Variants in JAK2 observed in about 807,000 individuals in gnomAD.
JAK2 encodes the protein tyrosine-protein kinase JAK2.
JAK2 carries 86 observed loss-of-function variants against 139.3 expected under a neutral mutation model. That is an observed-to-expected ratio of 0.62 (90% CI 0.52 to 0.74). The LOEUF (loss-of-function observed/expected upper bound fraction) is 0.74, where lower values mean the gene tolerates loss of function less well. Among genes scored for constraint, JAK2 ranks in the 30% least tolerant of loss-of-function variants. JAK2 has a pLI of 0.00. For synonymous variants in JAK2, 490 were observed against 437.7 expected, an observed-to-expected ratio of 1.12 and a Z score of -1.49; for missense variants, 1,421 against 1,360.3, an observed-to-expected ratio of 1.04 and a Z score of -0.70.
At chr9:5,089,962 A>C in intron 20 of JAK2, 99 bp downstream of exon 20, 1 of 730,224 alleles carries the variant, frequency 1.4e-6, no homozygotes, top group South Asian at 5.3e-5. Context: ...ACTTATGCCA[A>C]TGCCCAGAGG....
At chr9:4,997,136 C>G (rs1035816481) in intron 2 of JAK2, among the ~76,000 whole-genome samples, 2 of 151,668 alleles carry the variant, frequency 1.3e-5, no homozygotes, top group Non-Finnish European at 2.9e-5. Context: ...TTCACCGTGT[C>G]ACTCAGTCTG....
intron 3 of JAK2, among the ~76,000 whole-genome samples, 162 bp from the exon 4 acceptor site, chr9:5,029,621 T>G (rs1387643189): frequency 6.6e-6 from 1 of 152,260 alleles, no homozygotes; most frequent in Non-Finnish European, 1.5e-5. Context: ...TTGTGATTAA[T>G]AATTCAGTTG....
At chr9:5,020,750 G>A (rs1372307392) in intron 2 of JAK2, among the ~76,000 whole-genome samples, 1 of 152,144 alleles carries the variant, frequency 6.6e-6, no homozygotes, top group Non-Finnish European at 1.5e-5. Context: ...GAGCAGTGGG[G>A]TTATTGCCAA....
intron 2 of JAK2, among the ~76,000 whole-genome samples, chr9:5,020,677 C>T (rs1822360159): frequency 6.6e-6 from 1 of 152,172 alleles, no homozygotes; most frequent in South Asian, 2.1e-4. Flanking sequence ...GCAATGGTGG[C>T]AGCTGTAGGT....
chr9:5,034,791 G>C (rs747085659), intron 4 of JAK2, among the ~76,000 whole-genome samples: 17 of 152,070 alleles, frequency 1.1e-4, no homozygotes, highest in African/African-American at 1.7e-4. Flanking sequence ...AAGCAGGAAA[G>C]ATCCAATTGA....
intron 8 of JAK2, among the ~76,000 whole-genome samples, chr9:5,064,525 CAAAAAAAA>C (rs1381775824): frequency 1.2e-5 from 1 of 84,690 alleles, no homozygotes; most frequent in South Asian, 3.5e-4. Flanking sequence ...GCAAGACTCT[CAAAAAAAA>C]AAAAAAAGAA....
chr9:5,005,083 A>AT (rs527982744), intron 2 of JAK2, among the ~76,000 whole-genome samples: 2 of 40,034 alleles, frequency 5.0e-5, no homozygotes, highest in African/African-American at 1.0e-4. Context: ...TGCCTGGCTA[A>AT]TTTTTTTTTT....
intron 4 of JAK2, among the ~76,000 whole-genome samples, chr9:5,030,270 T>G (rs1393849547): frequency 6.6e-6 from 1 of 152,196 alleles, no homozygotes; most frequent in Non-Finnish European, 1.5e-5. Context: ...ATCTTATCTT[T>G]ATAAAGAACT....
At chr9:5,110,546 A>G (rs1325386068) in intron 22 of JAK2, 1 of 167,148 alleles carries the variant, frequency 6.0e-6, no homozygotes, top group Non-Finnish European at 1.3e-5. Flanking sequence ...AAATAGGACT[A>G]TTCAAGACTT....
At chr9:5,093,390 C>T (rs1377296178) in intron 22 of JAK2, among the ~76,000 whole-genome samples, 1 of 152,144 alleles carries the variant, frequency 6.6e-6, no homozygotes, top group Non-Finnish European at 1.5e-5. Context: ...AACATAATCA[C>T]TTGTTCCCTA....
intron 9 of JAK2, among the ~76,000 whole-genome samples, chr9:5,066,015 T>C (rs546116786): frequency 2.0e-5 from 3 of 152,308 alleles, no homozygotes; most frequent in South Asian, 4.1e-4. Flanking sequence ...TATTCATGTA[T>C]CCATAAATTC....
At position 5,123,121 on chromosome 9, in the gene JAK2, G is replaced by T. The variant is rs374744702; in HGVS notation, c.3177G>T (p.Ala1059=). Reference sequence around the variant, plus strand: ...TTGAGAAGAGTAAAAGTCCACCAGCGGTCAGTGTGCTTTTTATTTACTTTC... The same window carrying T: ...TTGAGAAGAGTAAAAGTCCACCAGCTGTCAGTGTGCTTTTTATTTACTTTC... ...TYIEKSKSPP[A]EFMRMIGNDK... The change falls in exon 23 of 25, where the codon GCG becomes GCT. Residue 1059 remains alanine (A), a splice_region_variant and synonymous_variant. Coordinates refer to ENST00000381652, the MANE Select transcript of JAK2 (RefSeq NM_004972.4). The T allele has an allele frequency of 1.3e-6, 2 of 1,562,112 alleles. No homozygotes were observed. The highest frequency in any genetic ancestry group is 2.3e-5 in the South Asian group (2 of 85,742).
chr9:5,088,672 G>A (rs570978914), intron 19 of JAK2, among the ~76,000 whole-genome samples: 4 of 152,308 alleles, frequency 2.6e-5, no homozygotes, highest in East Asian at 3.9e-4. Context: ...GAATTCCAGG[G>A]CCTGGAAAGT....
At chr9:5,060,523 A>C (rs115039860) in intron 8 of JAK2, among the ~76,000 whole-genome samples, 69 of 152,346 alleles carry the variant, frequency 4.5e-4, no homozygotes, top group African/African-American at 1.6e-3. Flanking sequence ...CATCTCAAGA[A>C]ACCATTTTTT....
At chr9:4,991,671 C>T (rs1414507457) in intron 2 of JAK2, among the ~76,000 whole-genome samples, 1 of 151,848 alleles carries the variant, frequency 6.6e-6, no homozygotes, top group African/African-American at 2.4e-5. Flanking sequence ...TGACAAAAAC[C>T]AGCAAACTCT....
chr9:4,984,772 C>G (rs554856286), upstream of JAK2: 58 of 152,444 alleles, frequency 3.8e-4, no homozygotes, highest in African/African-American at 1.3e-3. Context: ...CAGGGTGAGT[C>G]ACTCCCGGCC....
In JAK2 at chr9:5,062,082, T is replaced by G. The variant is rs117533422; in HGVS notation, c.1057-2801T>G. Among the ~76,000 whole-genome samples, 1,330 of 152,246 alleles carry G rather than the reference T, an allele frequency of 8.7e-3. 13 individuals are homozygous for G. The highest frequency in any genetic ancestry group is 0.015 in the Non-Finnish European group (1,004 of 68,016). ...TGTGGTGCCCCAAAACAATTACAGT[T>G]GACCCTTGGACATCACAGGTTTGAA... On this transcript the variant is annotated intron_variant, in intron 8 of 24. Coordinates refer to ENST00000381652, the MANE Select transcript of JAK2 (RefSeq NM_004972.4).
At position 5,129,650 on chromosome 9, in the gene JAK2, T is replaced by C. The variant is rs1213553927; in HGVS notation, c.*2859T>C. Among the ~76,000 whole-genome samples, 1 of 152,134 alleles carries C rather than the reference T, an allele frequency of 6.6e-6. No homozygotes were observed. Among genetic ancestry groups the C allele is most frequent in the Non-Finnish European group, 1.5e-5 (1 of 67,978 alleles). On this transcript the variant is annotated 3_prime_UTR_variant, in exon 25 of 25. Coordinates refer to ENST00000381652, the MANE Select transcript of JAK2 (RefSeq NM_004972.4). ...ATTTAAGAAAAAAACAATTAAAGTATGAATATCAGAAATACTGTGTGTTTA... is the reference window on the plus strand; with the variant it reads ...ATTTAAGAAAAAAACAATTAAAGTACGAATATCAGAAATACTGTGTGTTTA...
chr9:5,120,721 A>G (rs1369796788), intron 22 of JAK2, among the ~76,000 whole-genome samples: 3 of 152,192 alleles, frequency 2.0e-5, no homozygotes, highest in Middle Eastern at 3.2e-3. Flanking sequence ...AACTGTAACA[A>G]TGGGTTAGGA....
Sources: gnomAD v4.1 joint callset for allele counts (sites outside exome capture counted in the v4.1 genomes callset) on GRCh38, gnomAD v4.1.1 for gene constraint, MANE v1.5 for transcripts, NCBI Gene and HGNC (gene_info 2026-07-23, HGNC 2026-07-21) for gene names.